Variants in EXOC6 observed in about 807,000 individuals in gnomAD.
The protein encoded by EXOC6 is SEC15-like 1.
Under a neutral mutation model 112.5 loss-of-function variants are expected in EXOC6, and 60 were observed. That is an observed-to-expected ratio of 0.53 (90% CI 0.43 to 0.66). The LOEUF (loss-of-function observed/expected upper bound fraction) is 0.66, where lower values mean the gene tolerates loss of function less well. EXOC6 is among the 30% of genes least tolerant of loss of function. EXOC6 has a pLI of 0.00. For missense variants in EXOC6, 855 were observed against 957.1 expected (o/e 0.89, Z 1.41); for synonymous variants, 295 against 308.0 (o/e 0.96, Z 0.44).
At chr10:92,838,364 A>C (rs558732396) in intron 1 of EXOC6, among the ~76,000 whole-genome samples, 1 of 152,334 alleles carries the variant, frequency 6.6e-6, no homozygotes, top group East Asian at 1.9e-4. Flanking sequence ...CAGATGGTCC[A>C]GCTCGTTTCC....
intron 5 of EXOC6, among the ~76,000 whole-genome samples, chr10:92,902,039 C>G (rs1015358832): frequency 2.0e-5 from 3 of 151,208 alleles, no homozygotes; most frequent in Admixed American, 6.6e-5. Context: ...AAACAAGGAA[C>G]TAAGATGTAT....
At chr10:93,048,204 G>A (rs1846097515) in intron 20 of EXOC6, among the ~76,000 whole-genome samples, 1 of 151,472 alleles carries the variant, frequency 6.6e-6, no homozygotes, top group Non-Finnish European at 1.5e-5. Flanking sequence ...CATGGCACAT[G>A]TATACATATG....
At chr10:92,975,179 G>A (rs1391582628) in intron 18 of EXOC6, among the ~76,000 whole-genome samples, 16 of 151,404 alleles carry the variant, frequency 1.1e-4, no homozygotes, top group South Asian at 2.1e-4. Flanking sequence ...CTGCCTGGCC[G>A]CCCATCGTCT....
At chr10:92,888,825 AAT>A (rs1246242574) in intron 1 of EXOC6, among the ~76,000 whole-genome samples, 3 of 152,208 alleles carry the variant, frequency 2.0e-5, no homozygotes, top group African/African-American at 7.2e-5. Context: ...CCTTAGAAAT[AAT>A]GTTATTTAGT....
chr10:92,915,565 A>ATTTTTTTTTTTT (rs1172917198), intron 6 of EXOC6, among the ~76,000 whole-genome samples, 193 bp from the exon 7 acceptor site: 1 of 109,244 alleles, frequency 9.2e-6, no homozygotes, highest in Non-Finnish European at 1.8e-5. Flanking sequence ...TGAGACCCTG[A>ATTTTTTTTTTTT]TTTTTTTTTT....
chr10:93,049,911 T>C (rs1282397970), intron 20 of EXOC6, among the ~76,000 whole-genome samples: 1 of 152,208 alleles, frequency 6.6e-6, no homozygotes, highest in Non-Finnish European at 1.5e-5. Flanking sequence ...GAGTGATTGC[T>C]AATGGCTATG....
chr10:92,919,954 A>AT lies in EXOC6; in HGVS notation c.820-21dup, dbSNP rs758312862. 4.6e-4 allele frequency: 688 copies of AT among 1,482,758 alleles called. 1 individual carries two copies. Among genetic ancestry groups the AT allele is most frequent in the Non-Finnish European group, 5.2e-4 (564 of 1,082,718 alleles). The allele number at this position is 1,482,758 out of a possible 1,614,324, so 91.9% of individuals were successfully genotyped here. A position where few individuals can be genotyped will look rare whatever the true frequency, so the allele number is the denominator to read the frequency against. ...TGGTGGTCTAATAGTTTGACCTATAATTTTTTTAAAAATGGTTTAATTTTC... is the reference window on the plus strand; with the variant it reads ...TGGTGGTCTAATAGTTTGACCTATAATTTTTTTTAAAAATGGTTTAATTTTC... On this transcript the variant is annotated intron_variant, in intron 7 of 21. Coordinates refer to ENST00000260762, the MANE Select transcript of EXOC6 (RefSeq NM_019053.6).
At chr10:93,049,244 G>A (rs956663872) in intron 20 of EXOC6, among the ~76,000 whole-genome samples, 4 of 151,878 alleles carry the variant, frequency 2.6e-5, no homozygotes, top group Non-Finnish European at 5.9e-5. Context: ...TATTTTTTTA[G>A]TAGAGACAGG....
intron 20 of EXOC6, among the ~76,000 whole-genome samples, chr10:93,025,936 A>T (rs1311534391): frequency 6.6e-6 from 1 of 152,204 alleles, no homozygotes; most frequent in African/African-American, 2.4e-5. Flanking sequence ...AACCACTATC[A>T]TGACTTTTAA....
At chr10:92,927,294 TGAA>T (rs74775171) in intron 8 of EXOC6, among the ~76,000 whole-genome samples, 3,338 of 152,290 alleles carry the variant, frequency 0.022, 60 homozygotes, top group African/African-American at 0.041. Flanking sequence ...CTTTAAACAG[TGAA>T]GAAGACAGAG....
At chr10:92,913,237 A>T (rs1300942455) in intron 6 of EXOC6, among the ~76,000 whole-genome samples, 1 of 152,132 alleles carries the variant, frequency 6.6e-6, no homozygotes, top group African/African-American at 2.4e-5. Context: ...CATACTGTTA[A>T]TGTTATTTGT....
intron 18 of EXOC6, among the ~76,000 whole-genome samples, chr10:92,975,776 A>G (rs867264026): frequency 0.01 from 672 of 65,882 alleles, 13 homozygotes; most frequent in African/African-American, 0.033. Flanking sequence ...CAGCCGCCCC[A>G]TCCGGGAGGG....
chr10:92,899,048 C>T (rs942261213), intron 4 of EXOC6, among the ~76,000 whole-genome samples: 5 of 152,006 alleles, frequency 3.3e-5, no homozygotes, highest in Non-Finnish European at 7.4e-5. Context: ...AATAAAGATG[C>T]TTTGTTATGT....
Position 92,955,562 on chromosome 10 carries a change from A to T in EXOC6, c.1639-18A>T, listed in dbSNP as rs1349489087. On this transcript the variant is annotated intron_variant, in intron 16 of 21. Coordinates refer to ENST00000260762, the MANE Select transcript of EXOC6 (RefSeq NM_019053.6). ...ACATGTAACCTGTATTTTACTAGAT[A>T]TATCTTGTGTTTTCTAGCTGGTACA... is the stretch of plus-strand genomic sequence containing the variant. 1 of 1,600,450 alleles carries T rather than the reference A, an allele frequency of 6.2e-7. No individual in the cohort carries two copies. Among genetic ancestry groups the T allele is most frequent in the East Asian group, 2.2e-5 (1 of 44,626 alleles).
chr10:92,906,666 G>T (rs1850461170), intron 5 of EXOC6, among the ~76,000 whole-genome samples: 1 of 152,000 alleles, frequency 6.6e-6, no homozygotes, highest in Admixed American at 6.6e-5. Context: ...TATAATAAAA[G>T]ACTTTACATA....
intron 13 of EXOC6, 165 bp from the exon 14 acceptor site, chr10:92,948,109 T>C: frequency 2.0e-6 from 1 of 503,868 alleles, no homozygotes. Flanking sequence ...TATTTGTTGT[T>C]GAATTTTAGA....
chr10:92,936,193 A>G (rs963966764), intron 12 of EXOC6, among the ~76,000 whole-genome samples: 1 of 152,228 alleles, frequency 6.6e-6, no homozygotes, highest in Non-Finnish European at 1.5e-5. Context: ...ACTAGAAATT[A>G]GAAGATATAA....
chr10:93,031,070 T>G (rs1845247799), intron 20 of EXOC6, among the ~76,000 whole-genome samples: 1 of 152,146 alleles, frequency 6.6e-6, no homozygotes, highest in African/African-American at 2.4e-5. Flanking sequence ...CACGTTAATT[T>G]AGCTGTGAGC....
Position 92,931,281 on chromosome 10 carries a change from AT to A in EXOC6, c.973-2852del, listed in dbSNP as rs879604128. Among the ~76,000 whole-genome samples, 593 of 147,014 alleles carry A rather than the reference AT, an allele frequency of 4.0e-3. 7 individuals are homozygous for A. The highest frequency in any genetic ancestry group is 0.012 in the African/African-American group (488 of 40,476). ...AAACCAATTTAAAAATGGACAAAAG[AT>A]TTTTTTTTTTAGTGTAGTACTGAGT... On this transcript the variant is annotated intron_variant, in intron 9 of 21. Transcript: ENST00000260762.
Sources: gnomAD v4.1 joint callset for allele counts (sites outside exome capture counted in the v4.1 genomes callset) on GRCh38, gnomAD v4.1.1 for gene constraint, MANE v1.5 for transcripts, NCBI Gene and HGNC (gene_info 2026-07-23, HGNC 2026-07-21) for gene names.